SYNJ2: variants seen among roughly 807,000 people sequenced by gnomAD.
The protein encoded by SYNJ2 is polyphosphatidylinositol phosphatase SYNJ2.
In SYNJ2, 116 loss-of-function variants were observed where a neutral mutation model predicts 141.3. The observed-to-expected ratio is 0.82, with a 90% CI of 0.71 to 0.96. SYNJ2 has a LOEUF of 0.96. Ranked by LOEUF, SYNJ2 falls within the 40% of genes least tolerant of loss-of-function variation. The probability of loss-of-function intolerance (pLI) is 0.00; values close to 1 mark genes in which losing one functional copy is unlikely to be tolerated. For synonymous variants in SYNJ2, 745 were observed against 777.7 expected (o/e 0.96, Z 0.70); for missense variants, 1,873 against 1,934.8 (o/e 0.97, Z 0.60).
chr6:158,024,200 G>A (rs552237250), intron 2 of SYNJ2, among the ~76,000 whole-genome samples: 46 of 152,178 alleles, frequency 3.0e-4, no homozygotes, highest in Non-Finnish European at 5.3e-4. Flanking sequence ...CAAGGTGGGC[G>A]GACCACTAGA....
At chr6:157,995,357 A>C (rs772045312) in intron 1 of SYNJ2, among the ~76,000 whole-genome samples, 1 of 152,152 alleles carries the variant, frequency 6.6e-6, no homozygotes, top group Admixed American at 6.5e-5. Flanking sequence ...GGGTGCTCCT[A>C]TTAAAAAAAA....
At chr6:158,075,263 A>G (rs1782205141) in intron 16 of SYNJ2, among the ~76,000 whole-genome samples, 2 of 151,404 alleles carry the variant, frequency 1.3e-5, no homozygotes, top group South Asian at 4.2e-4. Flanking sequence ...CTGTTATTTT[A>G]GTGCCTGTTT....
In SYNJ2 at chr6:158,096,138, C is replaced by G; in HGVS notation, c.4265C>G (p.Pro1422Arg). ...QDPFWNLLHH[P>R]KLLNNTWLSK... ...CCCTTCTGGAACCTTCTTCACCACC[C>G]TAAACTGTTGAATAACACTTGGCTT... Residue 1422 changes from proline (P) to arginine (R), a missense_variant, in exon 27 of 27, where the codon CCT (proline) becomes CGT (arginine). Coordinates refer to ENST00000355585, the MANE Select transcript of SYNJ2 (RefSeq NM_003898.4). 6.2e-7 allele frequency: 1 copy of G among 1,614,240 alleles called. No individual in the cohort carries two copies.
chr6:158,083,544 C>T lies in SYNJ2; in HGVS notation c.2981C>T (p.Ser994Phe), dbSNP rs1332797229. 1.2e-6 allele frequency: 2 copies of T among 1,614,060 alleles called. No homozygotes were observed. The highest frequency in any genetic ancestry group is 1.7e-5 in the Admixed American group (1 of 59,998). Residue 994 changes from serine (S) to phenylalanine (F), a missense_variant, in exon 21 of 27, where the codon TCC (serine) becomes TTC (phenylalanine). Transcript: ENST00000355585. ...SMAPVSPTAN[S>F]CLLEENFDFT... ...GCCCCCGTGTCTCCCACTGCCAACTCCTGTTTGCTGGAGGAAAACTTTGAC... is the reference window on the plus strand; with the variant it reads ...GCCCCCGTGTCTCCCACTGCCAACTTCTGTTTGCTGGAGGAAAACTTTGAC...
In SYNJ2 at chr6:158,044,221, A is replaced by C. The variant is rs573264912; in HGVS notation, c.795+822A>C. 4.6e-5 allele frequency among the ~76,000 whole-genome samples: 7 copies of C among 152,312 alleles called. No individual in the cohort carries two copies. In the South Asian group the frequency reaches 1.5e-3, roughly 32 times the overall value. ...CCAGCCAGTGGCTACTGGGGCCCAG[A>C]GTGCCATCTGCCAGGTTCCAGGGGG... On this transcript the variant is annotated intron_variant, in intron 5 of 26. Transcript: ENST00000355585.
intron 1 of SYNJ2, among the ~76,000 whole-genome samples, chr6:158,008,117 G>A (rs935820973): frequency 6.6e-6 from 1 of 152,120 alleles, no homozygotes; most frequent in African/African-American, 2.4e-5. Flanking sequence ...TCTGCCTGGT[G>A]TGTGTAGACA....
intron 5 of SYNJ2, among the ~76,000 whole-genome samples, chr6:158,053,911 T>C (rs1407467038): frequency 6.7e-6 from 1 of 149,946 alleles, no homozygotes; most frequent in Non-Finnish European, 1.5e-5. Flanking sequence ...GATCCATCCA[T>C]CCACCCACCC....
Position 157,990,693 on chromosome 6 carries a change from G to C in SYNJ2, c.127+8605G>C, listed in dbSNP as rs184213392. On this transcript the variant is annotated intron_variant, in intron 1 of 26. Coordinates refer to ENST00000355585, the MANE Select transcript of SYNJ2 (RefSeq NM_003898.4). The stretch of plus-strand genomic sequence containing the variant: ...AAATTTAAGGTGAGCACGGGCTCCC[G>C]TGCAGTTTCTCACCCCTGCTGCTGG... Among the ~76,000 whole-genome samples, 126 of 152,336 alleles carry C rather than the reference G, an allele frequency of 8.3e-4. 1 individual carries two copies. The highest frequency in any genetic ancestry group is 2.9e-3 in the African/African-American group (121 of 41,566).
At chr6:158,080,778 T>A (rs1782626950) in intron 18 of SYNJ2, among the ~76,000 whole-genome samples, 1 of 152,228 alleles carries the variant, frequency 6.6e-6, no homozygotes, top group Non-Finnish European at 1.5e-5. Flanking sequence ...TGGCTGGTTA[T>A]TTTCCAAGTA....
intron 2 of SYNJ2, chr6:158,017,800 G>A (rs551105030): frequency 1.7e-5 from 9 of 531,602 alleles, no homozygotes; most frequent in African/African-American, 3.8e-5. Flanking sequence ...GTCAAGGTGA[G>A]TGTTGCCTGG....
At position 158,040,871 on chromosome 6, in the gene SYNJ2, C is replaced by T. The variant is rs189094232; in HGVS notation, c.712-2445C>T. Among the ~76,000 whole-genome samples the T allele has an allele frequency of 7.2e-5, 11 of 152,262 alleles. No homozygotes were observed. Among genetic ancestry groups the T allele is most frequent in the East Asian group, 1.9e-4 (1 of 5,182 alleles). On this transcript the variant is annotated intron_variant, in intron 4 of 26. Transcript: ENST00000355585. The surrounding 1 kb of genome is among the most constrained non-coding windows in gnomAD (Gnocchi z 4.2). ...TCATCACAGCACTGGCACGGGCCTC[C>T]GACTTTTCTTCCCGTGGCCCCACTG...
In SYNJ2 at chr6:158,017,742, T is replaced by G. The variant is rs1467527869; in HGVS notation, c.214+452T>G. 7.5e-6 allele frequency: 4 copies of G among 531,790 alleles called. No individual in the cohort carries two copies. The East Asian group carries it at 2.2e-4, about 29-fold the overall frequency. 32.9% of individuals were successfully genotyped at this position (531,790 alleles called of 1,614,324 possible). A position where few individuals can be genotyped will look rare whatever the true frequency, so the allele number is the denominator to read the frequency against. ...CCTCTCTTCTCTTTTAAGATGTTTC[T>G]TTATGCCTCGGGACCTGCTCCTCCT... On this transcript the variant is annotated intron_variant, in intron 2 of 26. Coordinates refer to ENST00000355585, the MANE Select transcript of SYNJ2 (RefSeq NM_003898.4).
chr6:158,018,484 G>T (rs753767200), intron 2 of SYNJ2, among the ~76,000 whole-genome samples: 1 of 152,206 alleles, frequency 6.6e-6, no homozygotes, highest in Admixed American at 6.5e-5. Flanking sequence ...GCTCACAGCA[G>T]CTGTTTTCAG....
rs939133275 is a variant in SYNJ2, at chr6:158,040,523, C to T, written c.712-2793C>T. 2.0e-5 allele frequency among the ~76,000 whole-genome samples: 3 copies of T among 149,786 alleles called. No individual in the cohort carries two copies. The highest frequency in any genetic ancestry group is 1.3e-4 in the Admixed American group (2 of 15,220). On this transcript the variant is annotated intron_variant, in intron 4 of 26. Coordinates refer to ENST00000355585, the MANE Select transcript of SYNJ2 (RefSeq NM_003898.4). The surrounding 1 kb of genome is among the most constrained non-coding windows in gnomAD (Gnocchi z 4.2). ...CAGAAAAACAAGACCAAAAAGTCCCCTCAGTCTATTAAAAAAAAAAAAGGA... is the reference window on the plus strand; with the variant it reads ...CAGAAAAACAAGACCAAAAAGTCCCTTCAGTCTATTAAAAAAAAAAAAGGA...
At chr6:158,060,055 T>G (rs1222386581) in intron 7 of SYNJ2, among the ~76,000 whole-genome samples, 3 of 152,110 alleles carry the variant, frequency 2.0e-5, no homozygotes, top group African/African-American at 7.2e-5. Flanking sequence ...CCTGGGTGAG[T>G]TCCCCCAGCC....
intron 16 of SYNJ2, among the ~76,000 whole-genome samples, chr6:158,075,775 C>T (rs559535314): frequency 3.8e-4 from 58 of 152,244 alleles, no homozygotes; most frequent in African/African-American, 1.3e-3. Flanking sequence ...GCCACATGGA[C>T]GAGTGACCAT....
At chr6:158,063,766 C>A (rs368409928) in intron 8 of SYNJ2, 25 bp from the exon 9 acceptor site, 2 of 1,590,644 alleles carry the variant, frequency 1.3e-6, no homozygotes, top group South Asian at 2.2e-5. Flanking sequence ...AACATATAAC[C>A]GTTTACATTT....
rs1781932957 is a variant in SYNJ2, at chr6:158,071,654, A to G, written c.1993A>G (p.Lys665Glu). 6.2e-7 allele frequency: 1 copy of G among 1,614,096 alleles called. No homozygotes were observed. The highest frequency in any genetic ancestry group is 8.5e-7 in the Non-Finnish European group (1 of 1,180,036). The change falls in exon 15 of 27, where the codon AAG becomes GAG. Residue 665 changes from lysine to glutamate, a missense_variant. Physicochemically the swap from Lys to Glu is moderately conservative, Grantham distance 56. Transcript: ENST00000355585. This position sits in a 1 kb window ranked among gnomAD's most constrained non-coding sequence, Gnocchi z 4.3. ...GGGCATGGGGGGCAAGGCGGGGAAC[A>G]AGGGCGCCGTCGGCATCCGCTTCCA... ...KTGMGGKAGN[K>E]GAVGIRFQFH...
At chr6:157,985,928 C>T (rs1169177437) in intron 1 of SYNJ2, among the ~76,000 whole-genome samples, 1 of 152,172 alleles carries the variant, frequency 6.6e-6, no homozygotes, top group Non-Finnish European at 1.5e-5. Context: ...ACACCAGGCC[C>T]CCAGGTTCTC....
Sources: allele counts gnomAD v4.1 joint callset (sites outside exome capture counted in the v4.1 genomes callset), GRCh38; gene constraint gnomAD v4.1.1; non-coding constraint Gnocchi (gnomAD v3.1); transcripts MANE v1.5; gene names NCBI Gene and HGNC (gene_info 2026-07-23, HGNC 2026-07-21).